Variants in SIDT2 observed in about 807,000 individuals in gnomAD.
SIDT2 encodes SID1 transmembrane family member 2.
Under a neutral mutation model 114.4 loss-of-function variants are expected in SIDT2, and 68 were observed. The observed-to-expected ratio is 0.59, with a 90% confidence interval of 0.49 to 0.73. The LOEUF is 0.73. SIDT2 is among the 30% of genes least tolerant of loss of function. The probability of loss-of-function intolerance (pLI) is 0.00; values close to 1 mark genes in which losing one functional copy is unlikely to be tolerated. For missense variants in SIDT2, 918 were observed against 1,097.1 expected (o/e 0.84, Z 2.31); for synonymous variants, 470 against 438.4 (o/e 1.07, Z -0.90).
At position 117,192,017 on chromosome 11, in the gene SIDT2, G is replaced by A. The variant is rs2030720195; in HGVS notation, c.1872+3G>A. 1.2e-6 allele frequency: 2 copies of A among 1,614,128 alleles called. No individual in the cohort carries two copies. Among genetic ancestry groups the A allele is most frequent in the Non-Finnish European group, 1.7e-6 (2 of 1,180,022 alleles). ...TCTTCTTCTCTGTGCTGGGCGTGGT[G>A]AGGGCCTGACCTGCTCTGCTCAGCC... is the stretch of plus-strand genomic sequence containing the variant. On this transcript the variant is annotated splice_donor_region_variant and intron_variant, in intron 19 of 25. Transcript: ENST00000324225. This position sits in a 1 kb window ranked among gnomAD's most constrained non-coding sequence, Gnocchi z 5.9.
At chr11:117,185,743 T>C (rs2134251901) in intron 8 of SIDT2, among the ~76,000 whole-genome samples, 1 of 151,918 alleles carries the variant, frequency 6.6e-6, no homozygotes, top group African/African-American at 2.4e-5. Context: ...CCAGGCGTGG[T>C]GGCACACATC....
rs374556966 is a variant in SIDT2, at chr11:117,188,831, G to C, written c.1278+5G>C. On this transcript the variant is annotated splice_donor_5th_base_variant and intron_variant, in intron 13 of 25. Coordinates refer to ENST00000324225, the MANE Select transcript of SIDT2 (RefSeq NM_001040455.2). The surrounding 1 kb of genome is among the most constrained non-coding windows in gnomAD (Gnocchi z 4.0). ...AAGAATGTCATTCGCACCAAGGTCT[G>C]ACCCGTGGGCCTGGCCTGGTCAGGC... 1.4e-4 allele frequency: 225 copies of C among 1,613,168 alleles called. 1 individual carries two copies. The highest frequency in any genetic ancestry group is 1.7e-4 in the Non-Finnish European group (198 of 1,179,224).
chr11:117,192,408 C>T lies in SIDT2; in HGVS notation c.1981+46C>T. 1 of 1,426,690 alleles carries T rather than the reference C, an allele frequency of 7.0e-7. No individual in the cohort carries two copies. 88.4% of individuals were successfully genotyped at this position (1,426,690 alleles called of 1,614,324 possible). ...GGGCCTGGGGGAGGGGTCTGGGGGGCCTTGGGAACCCGGACGCACGGGAGA... is the reference window on the plus strand; with the variant it reads ...GGGCCTGGGGGAGGGGTCTGGGGGGTCTTGGGAACCCGGACGCACGGGAGA... On this transcript the variant is annotated intron_variant, in intron 20 of 25. Transcript: ENST00000324225. The surrounding 1 kb of genome is among the most constrained non-coding windows in gnomAD (Gnocchi z 5.9).
chr11:117,188,270 C>T lies in SIDT2; in HGVS notation c.1160-438C>T, dbSNP rs555540704. ...GGCCTCTGGATAAAGGAGAAATGCT[C>T]TTTCTGCACCCCAGGCCCACTGGGT... On this transcript the variant is annotated intron_variant, in intron 12 of 25. Coordinates refer to ENST00000324225, the MANE Select transcript of SIDT2 (RefSeq NM_001040455.2). The surrounding 1 kb of genome is among the most constrained non-coding windows in gnomAD (Gnocchi z 4.0). 1.9e-5 allele frequency: 6 copies of T among 320,020 alleles called. No homozygotes were observed. Among genetic ancestry groups the T allele is most frequent in the Admixed American group, 1.8e-4 (4 of 22,340 alleles). 19.8% of individuals were successfully genotyped at this position (320,020 alleles called of 1,614,324 possible).
At chr11:117,179,485 A>AAGC in intron 1 of SIDT2, 39 bp downstream of exon 1, 1 of 1,587,594 alleles carries the variant, frequency 6.3e-7, no homozygotes, top group Non-Finnish European at 8.6e-7. Context: ...GCGAGTGGGG[A>AAGC]AGCCGACGAG....
rs992632928 is a variant in SIDT2, at chr11:117,193,795, C to T, written c.2212-58C>T. ...GGAATCTGGGAAAGGCTGGGTGGGA[C>T]AGCGGGGTGGGACAGGGGTAAGCCC... On this transcript the variant is annotated intron_variant, in intron 23 of 25. Coordinates refer to ENST00000324225, the MANE Select transcript of SIDT2 (RefSeq NM_001040455.2). 5 of 1,294,144 alleles carry T rather than the reference C, an allele frequency of 3.9e-6. No homozygotes were observed. In the African/African-American group the frequency reaches 7.3e-5, roughly 19 times the overall value. 80.2% of individuals were successfully genotyped at this position (1,294,144 alleles called of 1,614,324 possible).
At chr11:117,191,221 G>A (rs117303996) in intron 18 of SIDT2, 3,703 of 154,270 alleles carry the variant, frequency 0.024, 78 homozygotes, top group South Asian at 0.096. Context: ...AGTTTGCAAT[G>A]AGCCAAGATC....
intron 6 of SIDT2, among the ~76,000 whole-genome samples, 200 bp from the exon 7 acceptor site, chr11:117,183,579 A>G (rs1320487294): frequency 6.6e-6 from 1 of 152,020 alleles, no homozygotes; most frequent in African/African-American, 2.4e-5. Flanking sequence ...CGGAGGTTGC[A>G]GTGAGCTGAG....
chr11:117,182,867 A>G, intron 6 of SIDT2, 61 bp downstream of exon 6: 1 of 1,540,998 alleles, frequency 6.5e-7, no homozygotes, highest in Non-Finnish European at 8.8e-7. Context: ...GTAGCTTTCC[A>G]AACTTGAGCT....
chr11:117,186,913 T>A, intron 10 of SIDT2: 5 of 1,491,334 alleles, frequency 3.4e-6, no homozygotes, highest in Non-Finnish European at 3.6e-6. Context: ...TCTGGGATTA[T>A]TAACCTTTCC....
Position 117,190,125 on chromosome 11 carries a change from G to A in SIDT2, c.1494-41G>A, listed in dbSNP as rs1209356447. ...CACGTGGGCTAGGGAAGAGGCCTGG[G>A]TGTGAGTCCCAAGCAGTCTGCCTTG... is the stretch of plus-strand genomic sequence containing the variant. On this transcript the variant is annotated intron_variant, in intron 16 of 25. Transcript: ENST00000324225. This position sits in a 1 kb window ranked among gnomAD's most constrained non-coding sequence, Gnocchi z 4.1. The A allele has an allele frequency of 1.2e-6, 2 of 1,608,316 alleles. No homozygotes were observed. Among genetic ancestry groups the A allele is most frequent in the East Asian group, 4.5e-5 (2 of 44,846 alleles).
intron 9 of SIDT2, 81 bp from the exon 10 acceptor site, chr11:117,186,503 G>C: frequency 1.5e-6 from 2 of 1,322,114 alleles, no homozygotes; most frequent in South Asian, 2.8e-5. Flanking sequence ...GTGGAGCAGA[G>C]AGGTAGAAGG....
At chr11:117,193,713 G>T in intron 23 of SIDT2, 140 bp from the exon 24 acceptor site, 1 of 625,536 alleles carries the variant, frequency 1.6e-6, no homozygotes, top group South Asian at 1.9e-5. Context: ...CTGTGGTTGT[G>T]CGGAATGGTA....
chr11:117,193,763 A>G (rs2134260906), intron 23 of SIDT2, 90 bp from the exon 24 acceptor site: 2 of 911,492 alleles, frequency 2.2e-6, no homozygotes, highest in African/African-American at 3.3e-5. Flanking sequence ...GGAGGCCATG[A>G]GGAAAGGGAA....
Position 117,188,498 on chromosome 11 carries a change from C to T in SIDT2, c.1160-210C>T. 6.8e-6 allele frequency: 4 copies of T among 592,216 alleles called. No homozygotes were observed. Among genetic ancestry groups the T allele is most frequent in the Non-Finnish European group, 1.2e-5 (4 of 329,920 alleles). The allele number at this position is 592,216 out of a possible 1,614,324, so 36.7% of individuals were successfully genotyped here. A position where few individuals can be genotyped will look rare whatever the true frequency, so the allele number is the denominator to read the frequency against. ...TAGAGCGGCCCCTGTGTGGTGGCCT[C>T]TTCTAGAGTCTACCATCATCCCCCA... On this transcript the variant is annotated intron_variant, in intron 12 of 25. Transcript: ENST00000324225. The surrounding 1 kb of genome is among the most constrained non-coding windows in gnomAD (Gnocchi z 4.0).
rs1379847200 is a variant in SIDT2 at position 117,183,873 on chromosome 11, C to T, written c.797C>T (p.Ala266Val). 1 of 1,611,682 alleles carries T rather than the reference C, an allele frequency of 6.2e-7. No homozygotes were observed. Among genetic ancestry groups the T allele is most frequent in the African/African-American group, 1.3e-5 (1 of 74,844 alleles). The change falls in exon 7 of 26, where the codon GCA becomes GTA. Residue 266 changes from alanine (A) to valine (V), a missense_variant. Physicochemically the swap from Ala to Val is moderately conservative, Grantham distance 64. Coordinates refer to ENST00000324225, the MANE Select transcript of SIDT2 (RefSeq NM_001040455.2). Reference protein sequence around the residue: ...CGGSLPFYPFAEDEPVDQGHR... With the variant: ...CGGSLPFYPFVEDEPVDQGHR... ...GGCTCCCTGCCTTTCTACCCCTTCG[C>T]AGAAGGTACATTTTGTGCCCTGGGC... is the stretch of plus-strand genomic sequence containing the variant.
chr11:117,182,126 G>C (rs751855459), intron 4 of SIDT2, 21 bp downstream of exon 4: 1 of 1,613,378 alleles, frequency 6.2e-7, no homozygotes, highest in South Asian at 1.1e-5. Context: ...CCTGTTGATT[G>C]CTCGAGAGGA....
chr11:117,186,071 C>A, intron 8 of SIDT2, 59 bp from the exon 9 acceptor site: 1 of 1,439,498 alleles, frequency 6.9e-7, no homozygotes, highest in Non-Finnish European at 9.8e-7. Flanking sequence ...CCTTTGGGTG[C>A]CATGATGGGA....
At chr11:117,187,989 A>G (rs1591769187) in intron 12 of SIDT2, 2 of 624,832 alleles carry the variant, frequency 3.2e-6, no homozygotes, top group East Asian at 3.3e-5. Context: ...TGTTTTGCCA[A>G]TCAGTGCCTG....
Sources: gnomAD v4.1 joint callset for allele counts (sites outside exome capture counted in the v4.1 genomes callset) on GRCh38, gnomAD v4.1.1 for gene constraint, Gnocchi (gnomAD v3.1) non-coding constraint, MANE v1.5 for transcripts, NCBI Gene and HGNC (gene_info 2026-07-23, HGNC 2026-07-21) for gene names.